The following ROR1 variants were observed in gnomAD, a reference collection of about 807,000 sequenced individuals.
The protein encoded by ROR1 is ROR family WNT receptor 1.
A neutral mutation model predicts 78.8 loss-of-function variants in ROR1; 19 were observed. That is an observed-to-expected ratio of 0.24 (90% confidence interval 0.17 to 0.35). ROR1 has a LOEUF of 0.35. Ranked by LOEUF, ROR1 falls within the 10% of genes least tolerant of loss-of-function variation. ROR1 has a pLI of 1.00. For synonymous variants in ROR1, 386 were observed against 433.6 expected (o/e 0.89, Z 1.36); for missense variants, 917 against 1,177.8 (o/e 0.78, Z 3.24).
At chr1:64,067,800 C>T (rs1449766669) in intron 4 of ROR1, among the ~76,000 whole-genome samples, 1 of 150,290 alleles carries the variant, frequency 6.7e-6, no homozygotes, top group African/African-American at 2.5e-5. Flanking sequence ...GCAAGCTCCG[C>T]CTCCCGGGTT....
intron 1 of ROR1, among the ~76,000 whole-genome samples, chr1:63,801,595 G>A (rs373176301): frequency 6.6e-6 from 1 of 152,000 alleles, no homozygotes; most frequent in Non-Finnish European, 1.5e-5. Context: ...GTGCCTGGCC[G>A]GGTATCATGT....
At chr1:64,042,544 A>G (rs920038787) in intron 2 of ROR1, among the ~76,000 whole-genome samples, 1 of 152,222 alleles carries the variant, frequency 6.6e-6, no homozygotes, top group African/African-American at 2.4e-5. Context: ...ACTAAGATCC[A>G]GCAGGTGGGG....
chr1:64,055,131 A>G (rs544847149), intron 4 of ROR1, among the ~76,000 whole-genome samples: 10 of 152,180 alleles, frequency 6.6e-5, no homozygotes, highest in Non-Finnish European at 1.5e-4. Flanking sequence ...TTCAAGATAC[A>G]TATTTGGGAG....
At chr1:63,796,722 CT>C (rs1435573118) in intron 1 of ROR1, among the ~76,000 whole-genome samples, 2 of 152,092 alleles carry the variant, frequency 1.3e-5, no homozygotes, top group Non-Finnish European at 2.9e-5. Context: ...CTTTTGCCTC[CT>C]TTGTGTTTTG....
chr1:63,823,954 G>T (rs1644938842), intron 1 of ROR1, among the ~76,000 whole-genome samples: 1 of 151,406 alleles, frequency 6.6e-6, no homozygotes, highest in Admixed American at 6.6e-5. Context: ...CACCATGTTG[G>T]CCAGGCTGGT....
intron 1 of ROR1, among the ~76,000 whole-genome samples, chr1:63,874,468 ACTT>A (rs1645270977): frequency 6.6e-5 from 10 of 152,134 alleles, no homozygotes; most frequent in Admixed American, 5.9e-4. Flanking sequence ...CTCATAGATC[ACTT>A]GTCCAACTTT....
chr1:63,841,994 A>G (rs192098607), intron 1 of ROR1, among the ~76,000 whole-genome samples: 42 of 152,326 alleles, frequency 2.8e-4, no homozygotes, highest in African/African-American at 9.9e-4. Context: ...ACTATGCCTC[A>G]TTATATATTA....
intron 1 of ROR1, among the ~76,000 whole-genome samples, chr1:63,973,633 G>A (rs1646135688): frequency 6.6e-6 from 1 of 152,102 alleles, no homozygotes; most frequent in Admixed American, 6.6e-5. Context: ...ACACAGGGTG[G>A]CTCAAAATAC....
At chr1:64,176,365 C>T (rs1436561383) in intron 8 of ROR1, among the ~76,000 whole-genome samples, 1 of 152,136 alleles carries the variant, frequency 6.6e-6, no homozygotes, top group African/African-American at 2.4e-5. Flanking sequence ...ATGGGCCAGA[C>T]ATAGGTCTGA....
chr1:64,151,502 G>C (rs887107800), intron 7 of ROR1, among the ~76,000 whole-genome samples: 1 of 152,154 alleles, frequency 6.6e-6, no homozygotes, highest in Non-Finnish European at 1.5e-5. Flanking sequence ...GGATCTGGTG[G>C]GCTGAGGATA....
At chr1:63,818,848 A>G (rs1286058174) in intron 1 of ROR1, among the ~76,000 whole-genome samples, 2 of 152,202 alleles carry the variant, frequency 1.3e-5, no homozygotes, top group Non-Finnish European at 2.9e-5. Context: ...ACAGATGAGC[A>G]AACAGCCTAG....
At chr1:64,146,304 C>T (rs1036665163) in intron 7 of ROR1, among the ~76,000 whole-genome samples, 41 of 152,208 alleles carry the variant, frequency 2.7e-4, no homozygotes, top group African/African-American at 8.7e-4. Flanking sequence ...GGTGAAACCC[C>T]GTCTCTACCA....
intron 2 of ROR1, among the ~76,000 whole-genome samples, chr1:64,022,228 G>A (rs1646570836): frequency 6.6e-6 from 1 of 152,194 alleles, no homozygotes; most frequent in Non-Finnish European, 1.5e-5. Context: ...GGTTGCCAGG[G>A]GCTGGCTAGA....
At chr1:63,806,457 A>T (rs976434327) in intron 1 of ROR1, among the ~76,000 whole-genome samples, 1 of 151,850 alleles carries the variant, frequency 6.6e-6, no homozygotes, top group Non-Finnish European at 1.5e-5. Flanking sequence ...AGCTGGGACT[A>T]CAGGTGCCCG....
intron 7 of ROR1, among the ~76,000 whole-genome samples, chr1:64,154,590 A>G (rs1369366806): frequency 6.6e-5 from 10 of 152,222 alleles, no homozygotes; most frequent in Non-Finnish European, 1.3e-4. Context: ...TCAGGGAAAG[A>G]AAGGAGTATT....
At chr1:64,012,329 G>C (rs1321639501) in intron 2 of ROR1, among the ~76,000 whole-genome samples, 2 of 152,132 alleles carry the variant, frequency 1.3e-5, no homozygotes, top group African/African-American at 4.8e-5. Flanking sequence ...AAGCACCTTG[G>C]GCCATTGGGA....
At chr1:63,894,314 A>G (rs951733850) in intron 1 of ROR1, among the ~76,000 whole-genome samples, 3 of 152,310 alleles carry the variant, frequency 2.0e-5, no homozygotes, top group East Asian at 3.9e-4. Flanking sequence ...TTTTCAGACC[A>G]TGGTACCTTG....
At chr1:63,819,113 T>A (rs540487671) in intron 1 of ROR1, among the ~76,000 whole-genome samples, 44 of 152,234 alleles carry the variant, frequency 2.9e-4, no homozygotes, top group Non-Finnish European at 4.4e-4. Context: ...GGTGGGGAGA[T>A]GTTCTGCTCT....
intron 1 of ROR1, among the ~76,000 whole-genome samples, chr1:63,961,968 A>G (rs907296394): frequency 3.3e-5 from 5 of 152,336 alleles, no homozygotes; most frequent in Admixed American, 2.0e-4. Flanking sequence ...AATATGTACA[A>G]TTATTATGTG....
Sources: allele counts gnomAD v4.1 joint callset (sites outside exome capture counted in the v4.1 genomes callset), GRCh38; gene constraint gnomAD v4.1.1; transcripts MANE v1.5; gene names NCBI Gene and HGNC (gene_info 2026-07-23, HGNC 2026-07-21).